DIS3L2: variants seen among roughly 807,000 people sequenced by gnomAD.
DIS3L2 encodes the protein DIS3 like 3'-5' exoribonuclease 2, also known as DIS3-like exonuclease 2.
In DIS3L2, 34 loss-of-function variants were observed where a neutral mutation model predicts 97.5. That is an observed-to-expected ratio of 0.35 (90% CI 0.27 to 0.46). DIS3L2 has a LOEUF of 0.46. DIS3L2 is among the 20% of genes least tolerant of loss of function. The pLI, the probability that DIS3L2 is intolerant of heterozygous loss-of-function variation, is 1.00. For synonymous variants in DIS3L2, 435 were observed against 445.2 expected (o/e 0.98, Z 0.29); for missense variants, 1,038 against 1,146.0 (o/e 0.91, Z 1.36).
chr2:232,025,252 A>G (rs780901909), intron 4 of DIS3L2, among the ~76,000 whole-genome samples: 22 of 152,086 alleles, frequency 1.4e-4, no homozygotes, highest in Non-Finnish European at 7.3e-5. Flanking sequence ...AAATATTGGA[A>G]TATTTACATT....
At chr2:232,088,390 CAAAAAAAA>C (rs778505065) in intron 6 of DIS3L2, among the ~76,000 whole-genome samples, 2 of 55,716 alleles carry the variant, frequency 3.6e-5, no homozygotes, top group South Asian at 6.3e-4. Flanking sequence ...ACTAAAAATA[CAAAAAAAA>C]AAAAAAAAAA....
intron 13 of DIS3L2, among the ~76,000 whole-genome samples, chr2:232,277,861 T>C (rs1295172069): frequency 6.6e-6 from 1 of 152,214 alleles, no homozygotes; most frequent in Non-Finnish European, 1.5e-5. Flanking sequence ...GTACAGCATG[T>C]GACTGTGCTG....
intron 1 of DIS3L2, among the ~76,000 whole-genome samples, chr2:231,968,100 T>C (rs974924829): frequency 4.7e-5 from 7 of 150,426 alleles, no homozygotes; most frequent in Non-Finnish European, 7.4e-5. Context: ...ATAACTGATT[T>C]TTTTTTTTTT....
At chr2:232,056,549 T>C (rs941068782) in intron 5 of DIS3L2, among the ~76,000 whole-genome samples, 3 of 152,086 alleles carry the variant, frequency 2.0e-5, no homozygotes, top group African/African-American at 7.2e-5. Context: ...GACTCCTAAC[T>C]AGAATTTATA....
intron 5 of DIS3L2, 97 bp downstream of exon 5, chr2:232,030,177 C>A (rs1410291572): frequency 8.1e-6 from 8 of 987,904 alleles, no homozygotes; most frequent in South Asian, 7.3e-5. Flanking sequence ...GAGTCACAGA[C>A]CCCTTAGGCG....
chr2:232,100,523 C>A (rs1697165613), intron 6 of DIS3L2, among the ~76,000 whole-genome samples: 2 of 152,016 alleles, frequency 1.3e-5, no homozygotes, highest in South Asian at 4.2e-4. Flanking sequence ...TACATATGTA[C>A]CTCTAAATAC....
chr2:232,243,333 C>T (rs1244587331), intron 11 of DIS3L2, among the ~76,000 whole-genome samples: 1 of 152,044 alleles, frequency 6.6e-6, no homozygotes, highest in Non-Finnish European at 1.5e-5. Context: ...GATGAGGTTA[C>T]AAAGAGAAGC....
At chr2:232,140,599 A>G (rs1698483821) in intron 8 of DIS3L2, among the ~76,000 whole-genome samples, 1 of 152,210 alleles carries the variant, frequency 6.6e-6, no homozygotes, top group African/African-American at 2.4e-5. Context: ...TTGAGAAGGC[A>G]CAGATATTTA....
intron 9 of DIS3L2, among the ~76,000 whole-genome samples, chr2:232,167,700 T>TA (rs1033346772): frequency 6.6e-6 from 1 of 152,134 alleles, no homozygotes; most frequent in Non-Finnish European, 1.5e-5. Context: ...GTTTTTAGAT[T>TA]AAAAAAATAG....
intron 6 of DIS3L2, among the ~76,000 whole-genome samples, chr2:232,098,266 A>G (rs1417010048): frequency 5.3e-5 from 8 of 152,120 alleles, no homozygotes; most frequent in Non-Finnish European, 8.8e-5. Context: ...CTAAGCCAGA[A>G]TGATTGTAGT....
intron 13 of DIS3L2, 80 bp downstream of exon 13, chr2:232,263,520 CT>C: frequency 7.3e-7 from 1 of 1,367,724 alleles, no homozygotes; most frequent in Non-Finnish European, 1.0e-6. Context: ...GCTTGGCAGG[CT>C]TAGACTCTTC....
At chr2:231,987,084 G>C (rs1982474) in intron 1 of DIS3L2, among the ~76,000 whole-genome samples, 19,253 of 152,164 alleles carry the variant, frequency 0.13, 2,878 homozygotes, top group African/African-American at 0.36. Flanking sequence ...TAGAAATAGA[G>C]TTTATAGGAA....
At chr2:232,184,184 T>C (rs1174604852) in intron 9 of DIS3L2, among the ~76,000 whole-genome samples, 1 of 152,230 alleles carries the variant, frequency 6.6e-6, no homozygotes, top group Non-Finnish European at 1.5e-5. Flanking sequence ...TTGTTACTTA[T>C]ATGAAGTAGT....
chr2:232,226,965 G>A (rs1692667022), intron 10 of DIS3L2, among the ~76,000 whole-genome samples: 1 of 151,892 alleles, frequency 6.6e-6, no homozygotes, highest in South Asian at 2.1e-4. Flanking sequence ...GCAAGACCCT[G>A]TCTCAAAAAC....
At chr2:232,230,061 G>T (rs190850602) in intron 10 of DIS3L2, among the ~76,000 whole-genome samples, 1 of 151,914 alleles carries the variant, frequency 6.6e-6, no homozygotes, top group African/African-American at 2.4e-5. Context: ...CCATCACCAC[G>T]TCATGGCCAT....
chr2:232,139,170 G>A (rs899073001), intron 8 of DIS3L2, among the ~76,000 whole-genome samples: 4 of 152,174 alleles, frequency 2.6e-5, no homozygotes, highest in African/African-American at 9.6e-5. Flanking sequence ...AACCAGAGCA[G>A]GAAATGGAGG....
At chr2:232,218,542 G>A (rs1692410111) in intron 10 of DIS3L2, among the ~76,000 whole-genome samples, 2 of 152,280 alleles carry the variant, frequency 1.3e-5, no homozygotes, top group African/African-American at 2.4e-5. Context: ...GAGGCCAGGA[G>A]TTCAAGACCA....
intron 14 of DIS3L2, among the ~76,000 whole-genome samples, chr2:232,327,504 G>T (rs1463131324): frequency 6.6e-6 from 1 of 152,240 alleles, no homozygotes; most frequent in Non-Finnish European, 1.5e-5. Flanking sequence ...ACGCATGATT[G>T]TGTGCATCTG....
intron 5 of DIS3L2, among the ~76,000 whole-genome samples, chr2:232,042,023 A>AG (rs1322229810): frequency 3.9e-5 from 6 of 152,224 alleles, no homozygotes; most frequent in Non-Finnish European, 8.8e-5. Context: ...GATTTAAGGA[A>AG]GTAGCGTTCA....
Sources: allele counts gnomAD v4.1 joint callset (sites outside exome capture counted in the v4.1 genomes callset), GRCh38; gene constraint gnomAD v4.1.1; transcripts MANE v1.5; gene names NCBI Gene and HGNC (gene_info 2026-07-23, HGNC 2026-07-21).